Variants in PIF1 observed in about 807,000 individuals in gnomAD.
The protein encoded by PIF1 is ATP-dependent DNA helicase PIF1.
PIF1 carries 67 observed loss-of-function variants against 62.3 expected under a neutral mutation model. That is an observed-to-expected ratio of 1.08 (90% CI 0.88 to 1.32). The LOEUF (loss-of-function observed/expected upper bound fraction) is 1.32. Among genes scored for constraint, PIF1 ranks in the 40% most tolerant of loss-of-function variants. PIF1 has a pLI of 0.00. For synonymous variants in PIF1, 364 were observed against 379.5 expected (o/e 0.96, Z 0.47); for missense variants, 886 against 866.1 (o/e 1.02, Z -0.29).
chr15:64,822,159 G>A (rs1408111907), intron 4 of PIF1, 107 bp downstream of exon 4: 2 of 1,454,450 alleles, frequency 1.4e-6, no homozygotes, highest in Non-Finnish European at 1.9e-6. Context: ...ACAAGAGTGA[G>A]CCACGGCGCC....
At chr15:64,824,992 T>TACACACACACACAC (rs199650820) in intron 1 of PIF1, among the ~76,000 whole-genome samples, 1 of 136,622 alleles carries the variant, frequency 7.3e-6, no homozygotes, top group African/African-American at 2.7e-5. Flanking sequence ...ACAATTTCTA[T>TACACACACACACAC]ATATATACAC....
chr15:64,822,680 A>G, intron 2 of PIF1, 70 bp from the exon 3 acceptor site: 1 of 1,597,392 alleles, frequency 6.3e-7, no homozygotes. Context: ...TTCTTGGCCC[A>G]TGTGCAATGC....
chr15:64,817,855 C>T, intron 11 of PIF1, 91 bp downstream of exon 11: 1 of 1,427,076 alleles, frequency 7.0e-7, no homozygotes, highest in Non-Finnish European at 9.4e-7. Flanking sequence ...GAGCAAGACT[C>T]TGTCTCAAAA....
intron 1 of PIF1, among the ~76,000 whole-genome samples, chr15:64,825,148 C>G (rs2084351651): frequency 1.3e-5 from 2 of 151,928 alleles, no homozygotes; most frequent in African/African-American, 4.8e-5. Context: ...ATCCTCCTTC[C>G]CCGAGACCCA....
intron 7 of PIF1, among the ~76,000 whole-genome samples, chr15:64,820,429 G>A (rs967401924): frequency 6.6e-5 from 10 of 152,174 alleles, no homozygotes; most frequent in East Asian, 1.9e-4. Context: ...ACGGAGTCTC[G>A]CTCTGTCACC....
chr15:64,821,563 CTCTTTTTTT>C, intron 4 of PIF1, 43 bp from the exon 5 acceptor site: 3 of 1,333,202 alleles, frequency 2.3e-6, no homozygotes, highest in African/African-American at 1.7e-5. Flanking sequence ...CCCAAAGCCT[CTCTTTTTTT>C]TTTTTTTTTT....
rs750420964 is a variant in PIF1 at position 64,819,250 on chromosome 15, A to C, written c.1334-27T>G. On this transcript the variant is annotated intron_variant, in intron 8 of 12. Coordinates refer to ENST00000559239, the MANE Select transcript of PIF1 (RefSeq NM_001286496.2). ...TGGAGAAAAAGAGTTGAGCAAACAGATCACAAATCACTGACTTGTGACTCA... is the reference window on the plus strand; with the variant it reads ...TGGAGAAAAAGAGTTGAGCAAACAGCTCACAAATCACTGACTTGTGACTCA... The C allele has an allele frequency of 8.3e-6, 12 of 1,452,914 alleles. No homozygotes were observed. In the African/African-American group the frequency reaches 1.7e-4, roughly 21 times the overall value. The allele number at this position is 1,452,914 out of a possible 1,614,324, so 90.0% of individuals were successfully genotyped here. A position where few individuals can be genotyped will look rare whatever the true frequency, so the allele number is the denominator to read the frequency against.
intron 11 of PIF1, among the ~76,000 whole-genome samples, chr15:64,817,152 T>A (rs11634670): frequency 0.35 from 53,483 of 151,964 alleles, 10,631 homozygotes; most frequent in Non-Finnish European, 0.44. Flanking sequence ...TATACAATTT[T>A]ACGTATCTAG....
rs2141101858 is a variant in PIF1 at position 64,815,643 on chromosome 15, T to C, written c.*655A>G. On this transcript the variant is annotated 3_prime_UTR_variant, in exon 13 of 13. Coordinates refer to ENST00000559239, the MANE Select transcript of PIF1 (RefSeq NM_001286496.2). Reference sequence around the variant, plus strand: ...GGCAGGAGGCACAGTTTTTACACAATTCTCTAGTTTATTTGTCCGAAATAA... The same window carrying C: ...GGCAGGAGGCACAGTTTTTACACAACTCTCTAGTTTATTTGTCCGAAATAA... 2.0e-6 allele frequency: 3 copies of C among 1,511,360 alleles called. No individual in the cohort carries two copies. In the East Asian group the frequency reaches 7.4e-5, roughly 37 times the overall value. 93.6% of individuals were successfully genotyped at this position (1,511,360 alleles called of 1,614,324 possible).
chr15:64,823,945 C>T lies in PIF1; in HGVS notation c.391G>A (p.Gly131Arg), dbSNP rs912130791. 2.3e-6 allele frequency: 3 copies of T among 1,309,212 alleles called. No individual in the cohort carries two copies. The highest frequency in any genetic ancestry group is 2.3e-5 in the South Asian group (1 of 43,976). The allele number at this position is 1,309,212 out of a possible 1,614,324, so 81.1% of individuals were successfully genotyped here. The part of the protein sequence containing the change: ...RLKLAAAPGP[G>R]PASARAQLLG... Reference sequence around the variant, plus strand: ...AGCTGCGCTCGGGCGGAGGCCGGCCCGGGACCCGGGGCCGCAGCCAGCTTG... The same window carrying T: ...AGCTGCGCTCGGGCGGAGGCCGGCCTGGGACCCGGGGCCGCAGCCAGCTTG... Residue 131 changes from glycine (G) to arginine (R), a missense_variant, in exon 2 of 13, where the codon GGG becomes AGG. By Grantham distance (125) the Gly-to-Arg change is moderately radical. Transcript: ENST00000559239.
At chr15:64,824,403 T>C (rs1056448707) in intron 1 of PIF1, 49 bp from the exon 2 acceptor site, 2 of 1,195,132 alleles carry the variant, frequency 1.7e-6, no homozygotes, top group Admixed American at 4.2e-5. Context: ...TGAGACGTAA[T>C]GGGTGCTATA....
chr15:64,822,595 G>A lies in PIF1; in HGVS notation c.574C>T (p.Pro192Ser). 5 of 1,613,968 alleles carry A rather than the reference G, an allele frequency of 3.1e-6. No individual in the cohort carries two copies. Among genetic ancestry groups the A allele is most frequent in the Non-Finnish European group, 4.2e-6 (5 of 1,180,028 alleles). Residue 192 changes from proline (P) to serine (S), a missense_variant, in exon 3 of 13, where the codon CCC (proline) becomes TCC (serine). Pro to Ser is a moderately conservative substitution (Grantham distance 74, BLOSUM62 -1). Transcript: ENST00000559239. ...AAGCTCAGCCTCTTCACAGGCAGGG[G>A]CCACCTTGGGGCTTCCTGGGGGGAA... is the stretch of plus-strand genomic sequence containing the variant. ...AEPSTEAPRWPLPVKRLSLPS... is the reference protein window; with the variant it reads ...AEPSTEAPRWSLPVKRLSLPS...
At chr15:64,823,677 T>C in intron 2 of PIF1, 101 bp downstream of exon 2, 1 of 866,898 alleles carries the variant, frequency 1.2e-6, no homozygotes, top group Non-Finnish European at 1.6e-6. Context: ...GGGTATCAAA[T>C]ACCCACACCG....
Position 64,821,421 on chromosome 15 carries a change from T to C in PIF1, c.917A>G (p.Asp306Gly). Residue 306 changes from aspartate to glycine, a missense_variant, in exon 5 of 13, where the codon GAC (aspartate) becomes GGC (glycine). Physicochemically the swap from Asp to Gly is moderately conservative, Grantham distance 94. Transcript: ENST00000559239. ...GTCTGCCTCCACCATTGAGATCTCG[T>C]CAATGACCAACCGCTGGCAGTTCAG... ...GWLNCQRLVI[D>G]EISMVEADLF... The C allele has an allele frequency of 6.2e-7, 1 of 1,614,166 alleles. No individual in the cohort carries two copies.
intron 11 of PIF1, 117 bp from the exon 12 acceptor site, chr15:64,816,882 G>A: frequency 2.1e-6 from 2 of 940,468 alleles, no homozygotes; most frequent in Non-Finnish European, 1.5e-6. Context: ...AGTCCAGAGA[G>A]TCTCTAGACA....
rs138069301 is a variant in PIF1, at chr15:64,816,740, A to G, written c.1700T>C (p.Ile567Thr). 5.2e-5 allele frequency: 83 copies of G among 1,607,396 alleles called. 1 individual carries two copies. The highest frequency in any genetic ancestry group is 3.3e-4 in the East Asian group (15 of 44,832). Residue 567 changes from isoleucine (I) to threonine (T), a missense_variant, in exon 12 of 13, where the codon ATT (isoleucine) becomes ACT (threonine). Transcript: ENST00000559239. ...SQGMTLDCVE[I>T]SLGRVFASGQ... is the part of the protein sequence containing the mutation. ...ACTGGCAAACACACGGCCCAGAGAA[A>G]TCTCCACACAATCCAGGGTCATGCC... is the stretch of plus-strand genomic sequence containing the variant.
chr15:64,822,222 A>C, intron 4 of PIF1, 44 bp downstream of exon 4: 1 of 1,580,798 alleles, frequency 6.3e-7, no homozygotes, highest in Non-Finnish European at 8.6e-7. Flanking sequence ...CCTTCCCAGA[A>C]GCTGGGCTTG....
rs761168030 is a variant in PIF1 at position 64,822,620 on chromosome 15, A to G, written c.559-10T>C. 5.0e-6 allele frequency: 8 copies of G among 1,613,372 alleles called. No individual in the cohort carries two copies. In the East Asian group the frequency reaches 1.6e-4, roughly 31 times the overall value. ...GCCACCTTGGGGCTTCCTGGGGGGA[A>G]CAGAGCTATCTCAGAGCATCCTCCC... On this transcript the variant is annotated splice_polypyrimidine_tract_variant and intron_variant, in intron 2 of 12. Transcript: ENST00000559239.
At chr15:64,821,577 T>C in intron 4 of PIF1, 57 bp from the exon 5 acceptor site, 1 of 1,495,410 alleles carries the variant, frequency 6.7e-7, no homozygotes, top group Non-Finnish European at 8.9e-7. Context: ...TTTTTTTTTT[T>C]TTTTTTTTTT....
Sources: gnomAD v4.1 joint callset for allele counts (sites outside exome capture counted in the v4.1 genomes callset) on GRCh38, gnomAD v4.1.1 for gene constraint, MANE v1.5 for transcripts, NCBI Gene and HGNC (gene_info 2026-07-23, HGNC 2026-07-21) for gene names.